The following LOXHD1 variants were observed in gnomAD, a reference collection of about 807,000 sequenced individuals.
LOXHD1 encodes lipoxygenase homology domain-containing protein 1.
In LOXHD1, 205 loss-of-function variants were observed where a neutral mutation model predicts 248.2. The ratio of observed to expected loss-of-function variants is 0.83; its 90% CI spans 0.74 to 0.93. The LOEUF (loss-of-function observed/expected upper bound fraction) is 0.93. LOXHD1 is among the 40% of genes least tolerant of loss of function. The pLI is 0.00. For synonymous variants in LOXHD1, 1,113 were observed against 1,162.8 expected (o/e 0.96, Z 0.87); for missense variants, 2,930 against 2,971.6 (o/e 0.99, Z 0.33).
chr18:46,564,367 TAAAATA>T (rs1280215455), intron 17 of LOXHD1, among the ~76,000 whole-genome samples: 1 of 151,624 alleles, frequency 6.6e-6, no homozygotes, highest in Non-Finnish European at 1.5e-5. Flanking sequence ...TCTACAAAAA[TAAAATA>T]AAAATAAAAA....
intron 1 of LOXHD1, among the ~76,000 whole-genome samples, chr18:46,654,538 C>G (rs1002967240): frequency 1.3e-5 from 2 of 152,246 alleles, no homozygotes; most frequent in Non-Finnish European, 2.9e-5. Context: ...GCCCTCAAAG[C>G]ATTGAGGGAG....
chr18:46,601,063 G>A (rs1014930597), intron 8 of LOXHD1, among the ~76,000 whole-genome samples, 154 bp downstream of exon 8: 1 of 152,082 alleles, frequency 6.6e-6, no homozygotes, highest in East Asian at 1.9e-4. Context: ...CAAGATAGAC[G>A]GACACGTAAC....
chr18:46,616,296 T>G (rs2038586093), intron 5 of LOXHD1, among the ~76,000 whole-genome samples: 1 of 152,156 alleles, frequency 6.6e-6, no homozygotes, highest in South Asian at 2.1e-4. Context: ...ATTTCTGTTT[T>G]GGGGTGGTTA....
rs542079097 is a variant in LOXHD1 at position 46,648,236 on chromosome 18, C to T, written c.245+919G>A. 1.1e-4 allele frequency among the ~76,000 whole-genome samples: 17 copies of T among 151,996 alleles called. No homozygotes were observed. The South Asian group carries it at 2.1e-3, about 19-fold the overall frequency. ...TTGCACCACCGCACTCCAGCCTGGG[C>T]GACAGAGCGAGACTCCATCTCAAAA... On this transcript the variant is annotated intron_variant, in intron 2 of 40. Transcript: ENST00000642948.
At chr18:46,530,617 C>T (rs1360578788) in intron 28 of LOXHD1, among the ~76,000 whole-genome samples, 1 of 152,166 alleles carries the variant, frequency 6.6e-6, no homozygotes. Flanking sequence ...AATGAGATGG[C>T]CTGTCTTATC....
intron 12 of LOXHD1, among the ~76,000 whole-genome samples, chr18:46,589,437 T>C (rs1362897549): frequency 1.3e-5 from 2 of 152,320 alleles, no homozygotes; most frequent in African/African-American, 4.8e-5. Flanking sequence ...TCCGTCCCCC[T>C]TCGTTCAGTC....
chr18:46,655,346 G>A (rs2039166325), intron 1 of LOXHD1, among the ~76,000 whole-genome samples: 1 of 152,166 alleles, frequency 6.6e-6, no homozygotes, highest in African/African-American at 2.4e-5. Flanking sequence ...GCTTCTGAAA[G>A]GATAAAAAGG....
intron 23 of LOXHD1, 139 bp downstream of exon 23, chr18:46,545,178 T>C: frequency 1.5e-6 from 1 of 653,276 alleles, no homozygotes; most frequent in Non-Finnish European, 2.7e-6. Flanking sequence ...AGGAACTGCC[T>C]TTCTCGATGG....
At chr18:46,573,437 C>A (rs1319933046) in intron 14 of LOXHD1, among the ~76,000 whole-genome samples, 2 of 152,162 alleles carry the variant, frequency 1.3e-5, no homozygotes, top group Non-Finnish European at 2.9e-5. Context: ...AGAATAGATA[C>A]CGTTCATTGT....
At chr18:46,656,476 A>G (rs1173867923) in intron 1 of LOXHD1, among the ~76,000 whole-genome samples, 3 of 152,118 alleles carry the variant, frequency 2.0e-5, no homozygotes, top group Admixed American at 6.5e-5. Flanking sequence ...TGTCTCCATC[A>G]ACCACAGTGG....
chr18:46,570,756 T>A lies in LOXHD1; in HGVS notation c.2048-1118A>T, dbSNP rs1340260668. On this transcript the variant is annotated intron_variant, in intron 15 of 40. Coordinates refer to ENST00000642948, the MANE Select transcript of LOXHD1 (RefSeq NM_001384474.1). ...AATGATAGCTGATGAGTTAAAAAAA[T>A]TGCAAAAAAGTTTTATGTTTTAAGA... 2.0e-5 allele frequency among the ~76,000 whole-genome samples: 3 copies of A among 152,142 alleles called. No individual in the cohort carries two copies. The South Asian group carries it at 6.2e-4, about 32-fold the overall frequency.
intron 1 of LOXHD1, among the ~76,000 whole-genome samples, chr18:46,652,188 T>C (rs949385282): frequency 6.6e-6 from 1 of 152,176 alleles, no homozygotes; most frequent in Non-Finnish European, 1.5e-5. Context: ...TCTAATCTAT[T>C]GTAGCAGGAA....
At chr18:46,577,071 C>T (rs118148040) in intron 14 of LOXHD1, among the ~76,000 whole-genome samples, 2,086 of 152,282 alleles carry the variant, frequency 0.014, 22 homozygotes, top group Non-Finnish European at 0.02. Context: ...CCGGGTCAGT[C>T]CAAGGCCCCA....
chr18:46,543,882 T>C (rs1044773335), intron 23 of LOXHD1, among the ~76,000 whole-genome samples: 6 of 152,162 alleles, frequency 3.9e-5, no homozygotes, highest in Non-Finnish European at 7.3e-5. Context: ...TGGGATTTCC[T>C]TCAGGGATGG....
chr18:46,649,820 C>A (rs1232799315), intron 1 of LOXHD1, among the ~76,000 whole-genome samples: 1 of 152,158 alleles, frequency 6.6e-6, no homozygotes, highest in South Asian at 2.1e-4. Context: ...GAAGCTTATT[C>A]TGTTTACTGT....
At chr18:46,608,215 A>G (rs2038451640) in intron 6 of LOXHD1, among the ~76,000 whole-genome samples, 1 of 152,204 alleles carries the variant, frequency 6.6e-6, no homozygotes, top group South Asian at 2.1e-4. Context: ...AGAAACGAAA[A>G]GTCTACTTGG....
chr18:46,628,298 G>A (rs1423595536), intron 4 of LOXHD1, among the ~76,000 whole-genome samples: 2 of 152,158 alleles, frequency 1.3e-5, no homozygotes, highest in African/African-American at 4.8e-5. Context: ...GCAGTGCTAG[G>A]TGGGAGCAGA....
rs189264686 is a variant in LOXHD1, at chr18:46,574,085, G to A, written c.1971-1923C>T. Reference sequence around the variant, plus strand: ...GCCTGGGCAACGCATTCACAGGGCAGTGAAGTGTGGAGAGTCAGCAAGCCC... The same window carrying A: ...GCCTGGGCAACGCATTCACAGGGCAATGAAGTGTGGAGAGTCAGCAAGCCC... On this transcript the variant is annotated intron_variant, in intron 14 of 40. Coordinates refer to ENST00000642948, the MANE Select transcript of LOXHD1 (RefSeq NM_001384474.1). Among the ~76,000 whole-genome samples the A allele has an allele frequency of 6.7e-3, 1,026 of 152,230 alleles. 39 individuals carry two copies. The highest frequency in any genetic ancestry group is 0.051 in the Admixed American group (782 of 15,284).
Position 46,494,849 on chromosome 18 carries a change from C to CTTTTTTTTTTTTTT in LOXHD1, c.5879-5721_5879-5708dup, listed in dbSNP as rs58016824. Among the ~76,000 whole-genome samples the CTTTTTTTTTTTTTT allele has an allele frequency of 1.8e-4, 17 of 96,552 alleles. 1 individual carries two copies. Among genetic ancestry groups the CTTTTTTTTTTTTTT allele is most frequent in the South Asian group, 3.9e-4 (1 of 2,580 alleles). 63.3% of individuals were successfully genotyped at this position (96,552 alleles called of 152,430 possible). ...TTTTCTTTCTCCTTTTTCTCTCTCT[C>CTTTTTTTTTTTTTT]TTTTTTTTTTTTTTTTTTTTTTGAG... On this transcript the variant is annotated intron_variant, in intron 37 of 40. Coordinates refer to ENST00000642948, the MANE Select transcript of LOXHD1 (RefSeq NM_001384474.1).
Sources: gnomAD v4.1 joint callset for allele counts (sites outside exome capture counted in the v4.1 genomes callset) on GRCh38, gnomAD v4.1.1 for gene constraint, MANE v1.5 for transcripts, NCBI Gene and HGNC (gene_info 2026-07-23, HGNC 2026-07-21) for gene names.